The following NCOA5 variants were observed in gnomAD, a reference collection of about 807,000 sequenced individuals.
The protein encoded by NCOA5 is NCoA-5.
Under a neutral mutation model 59.0 loss-of-function variants are expected in NCOA5, and 12 were observed. The ratio of observed to expected loss-of-function variants is 0.20; its 90% CI spans 0.13 to 0.33. The LOEUF (loss-of-function observed/expected upper bound fraction) is 0.33, where lower values mean the gene tolerates loss of function less well. NCOA5 is among the 10% of genes least tolerant of loss of function. NCOA5 has a pLI of 1.00. For missense variants in NCOA5, 655 were observed against 766.6 expected (o/e 0.85, Z 1.72); for synonymous variants, 270 against 275.5 (o/e 0.98, Z 0.20).
intron 1 of NCOA5, 102 bp from the exon 2 acceptor site, chr20:46,079,555 A>G: frequency 1.1e-6 from 1 of 952,296 alleles, no homozygotes. Flanking sequence ...TACAATGACA[A>G]CCAGATGGTG....
At chr20:46,085,338 GTT>G (rs751167089) in intron 1 of NCOA5, among the ~76,000 whole-genome samples, 22 of 152,066 alleles carry the variant, frequency 1.4e-4, no homozygotes, top group Non-Finnish European at 2.6e-4. Flanking sequence ...GGAGTTCACT[GTT>G]TATTTAATAA....
At chr20:46,071,897 T>C (rs1053163966) in intron 2 of NCOA5, among the ~76,000 whole-genome samples, 4 of 152,166 alleles carry the variant, frequency 2.6e-5, no homozygotes, top group African/African-American at 9.7e-5. Flanking sequence ...ATTTACCCTT[T>C]TACAACAATG....
At chr20:46,089,240 G>C (rs1159527093) in intron 1 of NCOA5, among the ~76,000 whole-genome samples, 1 of 152,160 alleles carries the variant, frequency 6.6e-6, no homozygotes, top group South Asian at 2.1e-4. Context: ...CCGTTCTCTG[G>C]GCCCGAGGTC....
intron 1 of NCOA5, among the ~76,000 whole-genome samples, chr20:46,084,113 G>A (rs934136766): frequency 6.6e-6 from 1 of 152,162 alleles, no homozygotes; most frequent in African/African-American, 2.4e-5. Context: ...CTGAGCCTGT[G>A]TACTAAGAAC....
chr20:46,073,177 T>C (rs1360578090), intron 2 of NCOA5, among the ~76,000 whole-genome samples: 1 of 151,958 alleles, frequency 6.6e-6, no homozygotes, highest in Admixed American at 6.5e-5. Context: ...CTCATACTTT[T>C]GTCGTCTACC....
intron 1 of NCOA5, among the ~76,000 whole-genome samples, chr20:46,084,012 T>C (rs909535878): frequency 2.0e-5 from 3 of 152,206 alleles, no homozygotes; most frequent in African/African-American, 4.8e-5. Context: ...ACTAAAATAA[T>C]TATTACATCT....
intron 5 of NCOA5, 108 bp downstream of exon 5, chr20:46,066,947 G>A: frequency 7.9e-7 from 1 of 1,270,856 alleles, no homozygotes; most frequent in South Asian, 1.5e-5. Context: ...ACAGCGCACA[G>A]CAATGCAAGA....
intron 2 of NCOA5, among the ~76,000 whole-genome samples, chr20:46,071,777 C>T (rs193194945): frequency 3.2e-4 from 49 of 152,318 alleles, no homozygotes; most frequent in African/African-American, 1.1e-3. Context: ...TCCACACAGG[C>T]AAGTTCGTGT....
intron 4 of NCOA5, among the ~76,000 whole-genome samples, chr20:46,068,238 G>A (rs1161399386): frequency 6.6e-6 from 1 of 152,156 alleles, no homozygotes; most frequent in Admixed American, 6.5e-5. Flanking sequence ...CCAGCATTTT[G>A]TTCATTTCTT....
chr20:46,062,975 T>C, intron 7 of NCOA5, 86 bp from the exon 8 acceptor site: 3 of 1,114,410 alleles, frequency 2.7e-6, no homozygotes, highest in East Asian at 2.5e-5. Flanking sequence ...CAACAATCAC[T>C]GAGTCACATC....
intron 6 of NCOA5, 113 bp downstream of exon 6, chr20:46,064,916 A>T: frequency 1.0e-6 from 1 of 985,718 alleles, no homozygotes; most frequent in Admixed American, 1.9e-5. Flanking sequence ...GAGGGGCCCT[A>T]CCATATATGA....
At chr20:46,076,443 A>C (rs148600202) in intron 2 of NCOA5, among the ~76,000 whole-genome samples, 189 of 152,298 alleles carry the variant, frequency 1.2e-3, no homozygotes, top group African/African-American at 4.4e-3. Context: ...GGTATATCTT[A>C]AGAGATAAAG....
At chr20:46,065,639 A>T (rs887442758) in intron 5 of NCOA5, among the ~76,000 whole-genome samples, 5 of 152,232 alleles carry the variant, frequency 3.3e-5, no homozygotes, top group African/African-American at 1.2e-4. Flanking sequence ...GTGAAGCTTA[A>T]GCAAGTCCAT....
chr20:46,068,973 A>AT (rs1173618777), intron 3 of NCOA5, among the ~76,000 whole-genome samples: 3 of 151,998 alleles, frequency 2.0e-5, no homozygotes, highest in African/African-American at 7.3e-5. Context: ...TATTATTATT[A>AT]TTATTTTTTT....
Position 46,070,178 on chromosome 20 carries a change from G to C in NCOA5, c.365+32C>G. 3.2e-6 allele frequency: 5 copies of C among 1,560,692 alleles called. No individual in the cohort carries two copies. In the South Asian group the frequency reaches 3.4e-5, roughly 10 times the overall value. The stretch of plus-strand genomic sequence containing the variant: ...GCAGAACATACATAAAAAGAACTCA[G>C]GAAAAAACAAGCAGAGTAACTACGT... On this transcript the variant is annotated intron_variant, in intron 3 of 7. Coordinates refer to ENST00000290231, the MANE Select transcript of NCOA5 (RefSeq NM_020967.3).
chr20:46,077,474 C>T (rs2145544516), intron 2 of NCOA5, among the ~76,000 whole-genome samples: 1 of 152,242 alleles, frequency 6.6e-6, no homozygotes, highest in Middle Eastern at 3.4e-3. Context: ...ATAAAATACC[C>T]TTCTCAATCC....
intron 1 of NCOA5, among the ~76,000 whole-genome samples, chr20:46,082,545 T>G (rs2085002498): frequency 6.6e-6 from 1 of 152,210 alleles, no homozygotes; most frequent in Non-Finnish European, 1.5e-5. Flanking sequence ...CTATACTTTA[T>G]TCTGGCCAAC....
chr20:46,070,563 A>G (rs771781955), intron 2 of NCOA5, 27 bp from the exon 3 acceptor site: 1 of 1,600,558 alleles, frequency 6.2e-7, no homozygotes, highest in African/African-American at 1.3e-5. Context: ...GAAAATGCTA[A>G]GACAAAGAAA....
chr20:46,081,611 T>C (rs769808776), intron 1 of NCOA5, among the ~76,000 whole-genome samples: 49 of 152,162 alleles, frequency 3.2e-4, no homozygotes, highest in Non-Finnish European at 4.9e-4. Flanking sequence ...TTTGACAGCA[T>C]GGGATGTTTC....
Sources: allele counts gnomAD v4.1 joint callset (sites outside exome capture counted in the v4.1 genomes callset), GRCh38; gene constraint gnomAD v4.1.1; transcripts MANE v1.5; gene names NCBI Gene and HGNC (gene_info 2026-07-23, HGNC 2026-07-21).